Variants in ANKFY1 observed in about 807,000 individuals in gnomAD.
The protein encoded by ANKFY1 is ankyrin repeat and FYVE domain-containing protein 1.
ANKFY1 carries 47 observed loss-of-function variants against 128.3 expected under a neutral mutation model. The observed-to-expected ratio is 0.37, with a 90% CI of 0.29 to 0.47. The LOEUF is 0.47. Among genes scored for constraint, ANKFY1 ranks in the 20% least tolerant of loss-of-function variants. The probability of loss-of-function intolerance (pLI) is 1.00; values close to 1 mark genes in which losing one functional copy is unlikely to be tolerated. For synonymous variants in ANKFY1, 553 were observed against 601.6 expected (o/e 0.92, Z 1.18); for missense variants, 1,222 against 1,510.6 (o/e 0.81, Z 3.17).
intron 7 of ANKFY1, among the ~76,000 whole-genome samples, chr17:4,200,256 T>A (rs1252003322): frequency 1.3e-5 from 2 of 151,934 alleles, no homozygotes; most frequent in African/African-American, 4.8e-5. Context: ...TAGAGGTGGG[T>A]TTTGCTACCA....
intron 6 of ANKFY1, among the ~76,000 whole-genome samples, chr17:4,206,980 C>CA (rs1567943620): frequency 1.3e-5 from 2 of 152,172 alleles, no homozygotes; most frequent in Non-Finnish European, 2.9e-5. Flanking sequence ...TCACCCCCCC[C>CA]AAAGACGGAC....
chr17:4,194,878 T>C (rs1379192886), intron 10 of ANKFY1, 100 bp downstream of exon 10: 4 of 1,064,254 alleles, frequency 3.8e-6, no homozygotes, highest in Non-Finnish European at 5.6e-6. Context: ...ATCCTCATAG[T>C]ATGCCGTTCA....
chr17:4,184,768 A>G, intron 12 of ANKFY1, 50 bp downstream of exon 12: 1 of 1,572,180 alleles, frequency 6.4e-7, no homozygotes, highest in Non-Finnish European at 8.7e-7. Flanking sequence ...TAAGGATCCT[A>G]AACTGCTGTC....
chr17:4,194,873 C>T, intron 10 of ANKFY1, 105 bp downstream of exon 10: 1 of 1,031,200 alleles, frequency 9.7e-7, no homozygotes, highest in Non-Finnish European at 1.5e-6. Flanking sequence ...TAATTATCCT[C>T]ATAGTATGCC....
At chr17:4,235,671 A>T in intron 3 of ANKFY1, 101 bp downstream of exon 3, 1 of 814,874 alleles carries the variant, frequency 1.2e-6, no homozygotes, top group Non-Finnish European at 2.0e-6. Flanking sequence ...TAATTATTTT[A>T]CTTTCATTAA....
At chr17:4,255,081 T>C (rs1391071897) in intron 1 of ANKFY1, among the ~76,000 whole-genome samples, 2 of 152,052 alleles carry the variant, frequency 1.3e-5, no homozygotes, top group African/African-American at 2.4e-5. Flanking sequence ...TCATTTCCTA[T>C]AGTAAATGCA....
At chr17:4,168,659 G>A (rs1481623469) in intron 24 of ANKFY1, among the ~76,000 whole-genome samples, 1 of 152,022 alleles carries the variant, frequency 6.6e-6, no homozygotes, top group African/African-American at 2.4e-5. Context: ...GTAAAGACAG[G>A]GTTTTGACGA....
At chr17:4,207,322 G>A (rs2060044107) in intron 6 of ANKFY1, among the ~76,000 whole-genome samples, 1 of 152,200 alleles carries the variant, frequency 6.6e-6, no homozygotes, top group East Asian at 1.9e-4. Context: ...CACCACTGCT[G>A]GCTTTTAAGA....
chr17:4,217,162 ATGC>A (rs2060234406), intron 3 of ANKFY1, 44 bp from the exon 4 acceptor site: 1 of 1,596,422 alleles, frequency 6.3e-7, no homozygotes, highest in Admixed American at 1.7e-5. Context: ...ATAGAATGAC[ATGC>A]TTAGACTTTC....
At chr17:4,214,702 AT>A (rs2060192120) in intron 4 of ANKFY1, among the ~76,000 whole-genome samples, 1 of 151,822 alleles carries the variant, frequency 6.6e-6, no homozygotes, top group African/African-American at 2.4e-5. Flanking sequence ...ATTTTTTTGT[AT>A]TTTTAGTAGA....
rs1248996649 is a variant in ANKFY1 at position 4,217,071 on chromosome 17, C to T, written c.370G>A (p.Asp124Asn). 1 of 1,613,778 alleles carries T rather than the reference C, an allele frequency of 6.2e-7. No individual in the cohort carries two copies. Among genetic ancestry groups the T allele is most frequent in the Non-Finnish European group, 8.5e-7 (1 of 1,180,016 alleles). The change falls in exon 4 of 25, where the codon GAT becomes AAT. Residue 124 changes from aspartate to asparagine, a missense_variant. Coordinates refer to ENST00000341657, the MANE Select transcript of ANKFY1 (RefSeq NM_001330063.2). Reference sequence around the variant, plus strand: ...TCATCCTCTCTGAACTCCAGCTCATCTGTATAGATCCAGCGAAGCATTGTC... The same window carrying T: ...TCATCCTCTCTGAACTCCAGCTCATTTGTATAGATCCAGCGAAGCATTGTC... ...TMTMLRWIYT[D>N]ELEFREDDVF...
chr17:4,182,234 G>A lies in ANKFY1; in HGVS notation c.2068C>T (p.Pro690Ser). 4 of 1,583,688 alleles carry A rather than the reference G, an allele frequency of 2.5e-6. No individual in the cohort carries two copies. Among genetic ancestry groups the A allele is most frequent in the Non-Finnish European group, 3.4e-6 (4 of 1,162,734 alleles). Residue 690 changes from proline to serine, a missense_variant, in exon 15 of 25, where the codon CCC becomes TCC. Pro to Ser is a moderately conservative substitution (Grantham distance 74). Transcript: ENST00000341657. ...TTTGCCAATGCAAGCCACAGCGGGG[G>A]GTTCCCCTTCTCATCTGGCACAGAC... Reference protein sequence around the residue: ...DMSVPDEKGNPPLWLALANNL... With the variant: ...DMSVPDEKGNSPLWLALANNL...
intron 19 of ANKFY1, among the ~76,000 whole-genome samples, chr17:4,176,865 C>T (rs949347725): frequency 2.6e-5 from 4 of 152,222 alleles, no homozygotes; most frequent in African/African-American, 9.6e-5. Flanking sequence ...TCCACTTCCT[C>T]GGTGCTCCCA....
At chr17:4,223,685 C>G (rs552875951) in intron 3 of ANKFY1, 1 of 1,601,954 alleles carries the variant, frequency 6.2e-7, no homozygotes, top group Admixed American at 1.7e-5. Context: ...AGATGGTTAC[C>G]GAATAGCCCA....
At chr17:4,176,110 A>G (rs984976179) in intron 19 of ANKFY1, among the ~76,000 whole-genome samples, 1 of 152,126 alleles carries the variant, frequency 6.6e-6, no homozygotes, top group African/African-American at 2.4e-5. Context: ...ACCGCTCCTT[A>G]GCCCTCAGTT....
At chr17:4,193,661 G>C (rs891808268) in intron 10 of ANKFY1, among the ~76,000 whole-genome samples, 1 of 151,938 alleles carries the variant, frequency 6.6e-6, no homozygotes, top group African/African-American at 2.4e-5. Context: ...CCTGACCTCA[G>C]GTGATCTGCC....
rs779650795 is a variant in ANKFY1, at chr17:4,184,924, G to T, written c.1593C>A (p.Ala531=). 1.6e-5 allele frequency: 26 copies of T among 1,613,952 alleles called. No homozygotes were observed. The highest frequency in any genetic ancestry group is 2.0e-5 in the Non-Finnish European group (24 of 1,180,058). ...TGTCCGCCAAGCTGGTCAGGGATGC[G>T]GCCTCCTTTGGCAGAGGCAGAGCTT... The part of the protein sequence containing the change: ...TEEALPLPKE[A]ASLTSLADSV... Residue 531 remains alanine (A), a synonymous_variant, in exon 12 of 25, where the codon GCC becomes GCA. Transcript: ENST00000341657.
In ANKFY1 at chr17:4,164,825, G is replaced by A. The variant is rs1269006186; in HGVS notation, c.*2954C>T. ...CACACAGGGACCCATTCAGGGACAA[G>A]AGTGAGGACACAGAACGGGGTGGTC... is the stretch of plus-strand genomic sequence containing the variant. On this transcript the variant is annotated 3_prime_UTR_variant, in exon 25 of 25. Transcript: ENST00000341657. The A allele has an allele frequency of 2.6e-5, 4 of 152,656 alleles. No homozygotes were observed. Among genetic ancestry groups the A allele is most frequent in the Non-Finnish European group, 1.5e-5 (1 of 68,072 alleles). The allele number at this position is 152,656 out of a possible 1,614,324, so 9.5% of individuals were successfully genotyped here.
intron 2 of ANKFY1, among the ~76,000 whole-genome samples, chr17:4,241,906 G>A (rs963839589): frequency 2.0e-5 from 3 of 151,728 alleles, no homozygotes; most frequent in African/African-American, 7.3e-5. Flanking sequence ...TGGCTAACAT[G>A]TTGAAACCCC....
Sources: gnomAD v4.1 joint callset for allele counts (sites outside exome capture counted in the v4.1 genomes callset) on GRCh38, gnomAD v4.1.1 for gene constraint, MANE v1.5 for transcripts, NCBI Gene and HGNC (gene_info 2026-07-23, HGNC 2026-07-21) for gene names.